CNTNAP5: variants seen among roughly 807,000 people sequenced by gnomAD.
CNTNAP5 encodes the protein contactin associated protein family member 5.
Under a neutral mutation model 150.2 loss-of-function variants are expected in CNTNAP5, and 72 were observed. The observed-to-expected ratio is 0.48, with a 90% CI of 0.40 to 0.58. The LOEUF is 0.58. Among genes scored for constraint, CNTNAP5 ranks in the 20% least tolerant of loss-of-function variants. The pLI, the probability that CNTNAP5 is intolerant of heterozygous loss-of-function variation, is 0.00. For missense variants in CNTNAP5, 1,636 were observed against 1,626.2 expected (o/e 1.01, Z -0.10); for synonymous variants, 672 against 619.8 (o/e 1.08, Z -1.25).
intron 3 of CNTNAP5, among the ~76,000 whole-genome samples, chr2:124,294,706 T>A (rs1688377897): frequency 6.6e-6 from 1 of 152,212 alleles, no homozygotes; most frequent in African/African-American, 2.4e-5. Context: ...TACTGGAAGT[T>A]TTTAGACTAA....
At position 124,151,326 on chromosome 2, in the gene CNTNAP5, G is replaced by A. The variant is rs995338542; in HGVS notation, c.83-70379G>A. 6.6e-5 allele frequency among the ~76,000 whole-genome samples: 10 copies of A among 151,542 alleles called. 1 individual carries two copies. The South Asian group carries it at 8.4e-4, about 13-fold the overall frequency. On this transcript the variant is annotated intron_variant, in intron 1 of 23. Coordinates refer to ENST00000682447, the MANE Select transcript of CNTNAP5 (RefSeq NM_001367498.1). ...TGAACGCATTGGTCCCCTCTTTTCC[G>A]CTAGGTTCATTTTGCACTGCCAGAT...
At chr2:124,074,379 G>C (rs1682386352) in intron 1 of CNTNAP5, among the ~76,000 whole-genome samples, 1 of 152,120 alleles carries the variant, frequency 6.6e-6, no homozygotes, top group Admixed American at 6.6e-5. Context: ...ATAGATGCTT[G>C]AAGGGATGGC....
intron 19 of CNTNAP5, among the ~76,000 whole-genome samples, chr2:124,838,265 C>T (rs1682870264): frequency 6.6e-6 from 1 of 152,092 alleles, no homozygotes; most frequent in Admixed American, 6.6e-5. Flanking sequence ...ACATTTTGCA[C>T]ATAGGGAGGT....
intron 16 of CNTNAP5, among the ~76,000 whole-genome samples, chr2:124,770,136 G>A (rs1681158694): frequency 6.6e-6 from 1 of 152,144 alleles, no homozygotes; most frequent in Non-Finnish European, 1.5e-5. Context: ...AACTGTAAAG[G>A]TATAAAGAAA....
intron 19 of CNTNAP5, among the ~76,000 whole-genome samples, chr2:124,832,183 T>G (rs573868033): frequency 6.6e-6 from 1 of 152,242 alleles, no homozygotes; most frequent in African/African-American, 2.4e-5. Context: ...CTGATGATTC[T>G]GAAGACAATT....
At chr2:124,477,006 C>T (rs369378519) in intron 7 of CNTNAP5, among the ~76,000 whole-genome samples, 2 of 152,022 alleles carry the variant, frequency 1.3e-5, no homozygotes, top group South Asian at 2.1e-4. Context: ...CTTTTGGTCC[C>T]GAGATTTTTA....
intron 11 of CNTNAP5, among the ~76,000 whole-genome samples, chr2:124,605,148 A>G (rs1421097569): frequency 2.0e-5 from 3 of 152,202 alleles, no homozygotes; most frequent in Non-Finnish European, 2.9e-5. Context: ...GCAAAGAACT[A>G]CAGCTTACCA....
chr2:124,593,429 T>C (rs1696748452), intron 11 of CNTNAP5, among the ~76,000 whole-genome samples: 1 of 99,394 alleles, frequency 1.0e-5, no homozygotes, highest in African/African-American at 3.8e-5. Context: ...AATGATGGTT[T>C]CCAATTTCAT....
intron 4 of CNTNAP5, among the ~76,000 whole-genome samples, chr2:124,430,863 A>C (rs1692361478): frequency 6.6e-6 from 1 of 152,196 alleles, no homozygotes; most frequent in South Asian, 2.1e-4. Context: ...GCTGTGCTTG[A>C]AAATCTTCAC....
intron 19 of CNTNAP5, among the ~76,000 whole-genome samples, chr2:124,832,936 A>T (rs1682748694): frequency 6.9e-6 from 1 of 145,830 alleles, no homozygotes; most frequent in Non-Finnish European, 1.5e-5. Flanking sequence ...TTTTTGAGAC[A>T]GGGTCTGCCT....
intron 19 of CNTNAP5, among the ~76,000 whole-genome samples, chr2:124,831,280 T>A (rs1682711835): frequency 6.6e-6 from 1 of 151,920 alleles, no homozygotes; most frequent in African/African-American, 2.4e-5. Flanking sequence ...CTCATTTTAC[T>A]TTAAGACAAC....
At chr2:124,286,943 A>C (rs1688169176) in intron 3 of CNTNAP5, among the ~76,000 whole-genome samples, 1 of 152,184 alleles carries the variant, frequency 6.6e-6, no homozygotes. Flanking sequence ...TAATACCCAC[A>C]GGGACCAGTT....
At chr2:124,327,332 A>C (rs1469990205) in intron 3 of CNTNAP5, among the ~76,000 whole-genome samples, 1 of 152,118 alleles carries the variant, frequency 6.6e-6, no homozygotes, top group East Asian at 1.9e-4. Flanking sequence ...AGAAACAAGC[A>C]TTATACAAAT....
intron 1 of CNTNAP5, among the ~76,000 whole-genome samples, chr2:124,027,284 C>T (rs1306003268): frequency 6.6e-6 from 1 of 152,186 alleles, no homozygotes; most frequent in African/African-American, 2.4e-5. Context: ...AGGCACAGCG[C>T]TGGGCTATTT....
chr2:124,617,086 G>A (rs959384454), intron 12 of CNTNAP5, among the ~76,000 whole-genome samples: 5 of 151,618 alleles, frequency 3.3e-5, no homozygotes, highest in South Asian at 2.1e-4. Flanking sequence ...ATATAATAAC[G>A]ATAATTATAA....
rs1322966128 is a variant in CNTNAP5, at chr2:124,464,948, C to G, written c.919-9791C>G. On this transcript the variant is annotated intron_variant, in intron 6 of 23. Coordinates refer to ENST00000682447, the MANE Select transcript of CNTNAP5 (RefSeq NM_001367498.1). Reference sequence around the variant, plus strand: ...TTCTTTAAGAAGTGGACTGTCAGAACAAAAGTGAGACAAACATTTACAAAT... The same window carrying G: ...TTCTTTAAGAAGTGGACTGTCAGAAGAAAAGTGAGACAAACATTTACAAAT... Among the ~76,000 whole-genome samples the G allele has an allele frequency of 3.9e-5, 6 of 151,956 alleles. 1 individual carries two copies. The East Asian group carries it at 1.2e-3, about 29-fold the overall frequency.
chr2:124,493,151 C>T (rs542625212), intron 7 of CNTNAP5, among the ~76,000 whole-genome samples: 3 of 152,078 alleles, frequency 2.0e-5, no homozygotes, highest in South Asian at 2.1e-4. Flanking sequence ...ATTCCTTCTA[C>T]ACCTAAATCG....
intron 22 of CNTNAP5, among the ~76,000 whole-genome samples, chr2:124,906,530 G>C (rs1475385707): frequency 6.6e-6 from 1 of 152,222 alleles, no homozygotes. Context: ...AGGTCATGAT[G>C]TGTTAGTAGG....
chr2:124,139,590 G>T (rs1178252416), intron 1 of CNTNAP5, among the ~76,000 whole-genome samples: 1 of 152,144 alleles, frequency 6.6e-6, no homozygotes, highest in Non-Finnish European at 1.5e-5. Flanking sequence ...TGAGGCAGGT[G>T]CCTGTTTCTC....
Sources: allele counts gnomAD v4.1 joint callset (sites outside exome capture counted in the v4.1 genomes callset), GRCh38; gene constraint gnomAD v4.1.1; transcripts MANE v1.5; gene names NCBI Gene and HGNC (gene_info 2026-07-23, HGNC 2026-07-21).